The following RAD54B variants were observed in gnomAD, a reference collection of about 807,000 sequenced individuals.
The protein encoded by RAD54B is RAD54 homolog B, also known as DNA repair and recombination protein RAD54B.
Under a neutral mutation model 95.8 loss-of-function variants are expected in RAD54B, and 78 were observed. The ratio of observed to expected loss-of-function variants is 0.81; its 90% confidence interval spans 0.68 to 0.98. RAD54B has a LOEUF of 0.98. Among genes scored for constraint, RAD54B ranks in the 50% least tolerant of loss-of-function variants. The pLI, the probability that RAD54B is intolerant of heterozygous loss-of-function variation, is 0.00. For synonymous variants in RAD54B, 328 were observed against 354.9 expected (o/e 0.92, Z 0.85); for missense variants, 957 against 1,056.6 (o/e 0.91, Z 1.31).
Position 94,399,627 on chromosome 8 carries a change from G to GAAAAAAAAA in RAD54B, c.1171-7_1171-6insTTTTTTTTT. 6.3e-7 allele frequency: 1 copy of GAAAAAAAAA among 1,590,320 alleles called. No individual in the cohort carries two copies. ...AATTCTTCAACTTTGTGGTCCTGAG[G>GAAAAAAAAA]AAAAAAGATAGTATTTTAAAAATCA... On this transcript the variant is annotated splice_region_variant and splice_polypyrimidine_tract_variant and intron_variant, in intron 7 of 14. Transcript: ENST00000336148.
chr8:94,470,699 A>G (rs1298545395), intron 1 of RAD54B, among the ~76,000 whole-genome samples: 1 of 151,786 alleles, frequency 6.6e-6, no homozygotes, highest in Non-Finnish European at 1.5e-5. Context: ...CAGAGGTTGC[A>G]GTAAGCTGAG....
At chr8:94,418,105 T>C (rs765176186) in intron 3 of RAD54B, among the ~76,000 whole-genome samples, 2 of 152,198 alleles carry the variant, frequency 1.3e-5, no homozygotes, top group Admixed American at 6.5e-5. Flanking sequence ...TTGGGGGAAA[T>C]GTGCTTCTAA....
chr8:94,470,945 T>C (rs1414578128), intron 1 of RAD54B, among the ~76,000 whole-genome samples: 1 of 152,160 alleles, frequency 6.6e-6, no homozygotes, highest in African/African-American at 2.4e-5. Flanking sequence ...GTTCTCTTTT[T>C]CTCTAGGCTT....
intron 13 of RAD54B, 68 bp downstream of exon 13, chr8:94,378,500 C>T: frequency 6.8e-7 from 1 of 1,472,730 alleles, no homozygotes; most frequent in Admixed American, 2.0e-5. Context: ...CACTGAAGCA[C>T]AGGCTAACAA....
intron 3 of RAD54B, among the ~76,000 whole-genome samples, chr8:94,415,188 A>T (rs1259936315): frequency 2.0e-5 from 3 of 151,888 alleles, no homozygotes; most frequent in Admixed American, 2.0e-4. Context: ...AATGGAATAG[A>T]ACAGAGCCCT....
chr8:94,448,204 T>C (rs1474074003), intron 3 of RAD54B, among the ~76,000 whole-genome samples: 1 of 152,112 alleles, frequency 6.6e-6, no homozygotes, highest in African/African-American at 2.4e-5. Flanking sequence ...AACTATTCTA[T>C]AGTTTTGGGT....
At chr8:94,410,322 T>A (rs1180471428) in intron 4 of RAD54B, among the ~76,000 whole-genome samples, 3 of 152,338 alleles carry the variant, frequency 2.0e-5, no homozygotes, top group Middle Eastern at 3.4e-3. Context: ...CCAACTGCAT[T>A]TAGTAAAACT....
chr8:94,462,209 C>T (rs1561648), intron 2 of RAD54B, among the ~76,000 whole-genome samples: 63,139 of 151,980 alleles, frequency 0.42, 13,380 homozygotes, highest in Admixed American at 0.51. Context: ...GTTCCATTAC[C>T]AGAGGTATTA....
chr8:94,415,214 A>G (rs1563648080), intron 3 of RAD54B, among the ~76,000 whole-genome samples: 3 of 151,626 alleles, frequency 2.0e-5, no homozygotes, highest in Non-Finnish European at 2.9e-5. Flanking sequence ...ATAACACCGC[A>G]TATCTACAAC....
Position 94,411,207 on chromosome 8 carries a change from T to C in RAD54B, c.413A>G (p.His138Arg), listed in dbSNP as rs146134783. The change falls in exon 4 of 15, where the codon CAT becomes CGT. Residue 138 changes from histidine (H) to arginine (R), a missense_variant. By Grantham distance (29) the His-to-Arg change is conservative. Coordinates refer to ENST00000336148, the MANE Select transcript of RAD54B (RefSeq NM_012415.3). ...AACAGCATCACCTTCCCACTTTTTA[T>C]GTTTTTTCTTTGAAGGCTTACACCA... ...VVWCKPSKKKHKKWEGDAVLI... is the reference protein window; with the variant it reads ...VVWCKPSKKKRKKWEGDAVLI... 1.4e-5 allele frequency: 22 copies of C among 1,611,778 alleles called. No homozygotes were observed. In the African/African-American group the frequency reaches 2.7e-4, roughly 20 times the overall value.
At position 94,378,736 on chromosome 8, in the gene RAD54B, T is replaced by A. The variant is rs935927888; in HGVS notation, c.2248-102A>T. On this transcript the variant is annotated intron_variant, in intron 12 of 14. Coordinates refer to ENST00000336148, the MANE Select transcript of RAD54B (RefSeq NM_012415.3). ...ATGTTTTAAAATTCGGAATTCTATA[T>A]TTTACATACAGCTTCAGAAAACAAA... The A allele has an allele frequency of 3.6e-5, 27 of 759,904 alleles. No homozygotes were observed. The Admixed American group carries it at 5.1e-4, about 14-fold the overall frequency. The allele number at this position is 759,904 out of a possible 1,614,324, so 47.1% of individuals were successfully genotyped here.
chr8:94,443,998 GTCT>G (rs980176452), intron 3 of RAD54B, among the ~76,000 whole-genome samples: 8 of 151,758 alleles, frequency 5.3e-5, no homozygotes, highest in African/African-American at 1.7e-4. Flanking sequence ...AATTTTTTGA[GTCT>G]TCATTTACTT....
chr8:94,392,842 T>A (rs956785331), intron 9 of RAD54B, among the ~76,000 whole-genome samples: 6 of 148,370 alleles, frequency 4.0e-5, no homozygotes, highest in African/African-American at 1.0e-4. Context: ...TTTTTAGTTT[T>A]GTTTTTTTTT....
intron 14 of RAD54B, among the ~76,000 whole-genome samples, chr8:94,376,879 A>G (rs1810588820): frequency 6.6e-6 from 1 of 151,564 alleles, no homozygotes; most frequent in African/African-American, 2.4e-5. Context: ...GAAGAGAAAC[A>G]TTTATATAAA....
At chr8:94,459,987 TCTCTAC>T (rs1812868241) in intron 2 of RAD54B, among the ~76,000 whole-genome samples, 1 of 145,058 alleles carries the variant, frequency 6.9e-6, no homozygotes, top group Non-Finnish European at 1.5e-5. Flanking sequence ...TGAAACCCGG[TCTCTAC>T]TAAAAATACA....
chr8:94,398,753 T>C (rs986457265), intron 8 of RAD54B, among the ~76,000 whole-genome samples: 5 of 152,038 alleles, frequency 3.3e-5, no homozygotes, highest in Admixed American at 6.6e-5. Context: ...AAAAGCTACA[T>C]TGAGCTACTT....
intron 3 of RAD54B, chr8:94,436,443 C>A: frequency 6.8e-7 from 1 of 1,476,914 alleles, no homozygotes; most frequent in Admixed American, 2.5e-5. Flanking sequence ...AGCCAAAGCC[C>A]AATAGATAGG....
intron 1 of RAD54B, among the ~76,000 whole-genome samples, chr8:94,474,337 C>T (rs1448478438): frequency 2.0e-5 from 3 of 152,182 alleles, no homozygotes; most frequent in Non-Finnish European, 4.4e-5. Context: ...AACAAACCTG[C>T]ACATGTACCC....
At chr8:94,409,278 T>G (rs1269145761) in intron 4 of RAD54B, among the ~76,000 whole-genome samples, 2 of 152,110 alleles carry the variant, frequency 1.3e-5, no homozygotes, top group Non-Finnish European at 2.9e-5. Context: ...CCCTAAAATA[T>G]ACCTATGTTC....
Sources: gnomAD v4.1 joint callset for allele counts (sites outside exome capture counted in the v4.1 genomes callset) on GRCh38, gnomAD v4.1.1 for gene constraint, MANE v1.5 for transcripts, NCBI Gene and HGNC (gene_info 2026-07-23, HGNC 2026-07-21) for gene names.